GNA14: variants seen among roughly 807,000 people sequenced by gnomAD.
The protein encoded by GNA14 is guanine nucleotide-binding protein subunit alpha-14.
In GNA14, 50 loss-of-function variants were observed where a neutral mutation model predicts 42.0. The observed-to-expected ratio is 1.19, with a 90% CI of 0.95 to 1.51. The LOEUF (loss-of-function observed/expected upper bound fraction) is 1.51, where lower values mean the gene tolerates loss of function less well. GNA14 is among the 40% of genes most tolerant of loss of function. The pLI, the probability that GNA14 is intolerant of heterozygous loss-of-function variation, is 0.00. For missense variants in GNA14, 473 were observed against 446.2 expected (o/e 1.06, Z -0.54); for synonymous variants, 173 against 163.1 (o/e 1.06, Z -0.46).
chr9:77,567,646 C>G (rs531640754), intron 1 of GNA14, among the ~76,000 whole-genome samples: 2 of 152,286 alleles, frequency 1.3e-5, no homozygotes, highest in South Asian at 4.1e-4. Context: ...GTGGATGGAT[C>G]ACCTGAGGTC....
chr9:77,631,927 G>A (rs1005808524), intron 1 of GNA14, among the ~76,000 whole-genome samples: 6 of 152,146 alleles, frequency 3.9e-5, no homozygotes, highest in Admixed American at 3.9e-4. Flanking sequence ...CTGAGTTGGG[G>A]TGGAAGCTGC....
intron 2 of GNA14, among the ~76,000 whole-genome samples, chr9:77,515,465 G>T (rs1837237424): frequency 1.3e-5 from 2 of 152,208 alleles, no homozygotes; most frequent in African/African-American, 4.8e-5. Context: ...AAACCACAAG[G>T]CTTGCAAAAA....
chr9:77,539,988 T>TA (rs1413728346), intron 1 of GNA14, among the ~76,000 whole-genome samples: 1 of 152,168 alleles, frequency 6.6e-6, no homozygotes, highest in African/African-American at 2.4e-5. Flanking sequence ...CTGCTTCATT[T>TA]AGTTTTGCTC....
chr9:77,513,884 G>T (rs1269191644), intron 2 of GNA14, among the ~76,000 whole-genome samples: 1 of 151,952 alleles, frequency 6.6e-6, no homozygotes, highest in African/African-American at 2.4e-5. Flanking sequence ...TTTAAAACTT[G>T]GTTGATGAAA....
chr9:77,616,801 G>A (rs1395981126), intron 1 of GNA14, among the ~76,000 whole-genome samples: 1 of 152,170 alleles, frequency 6.6e-6, no homozygotes, highest in African/African-American at 2.4e-5. Flanking sequence ...CCAGCTCTCT[G>A]TGTTAGGGCA....
chr9:77,601,317 G>A (rs547882327), intron 1 of GNA14, among the ~76,000 whole-genome samples: 4 of 152,162 alleles, frequency 2.6e-5, no homozygotes, highest in African/African-American at 9.7e-5. Flanking sequence ...GGAGCAAAAA[G>A]ATCTAGTGTT....
chr9:77,508,035 G>C (rs1034048510), intron 2 of GNA14, among the ~76,000 whole-genome samples: 2 of 152,118 alleles, frequency 1.3e-5, no homozygotes, highest in Admixed American at 1.3e-4. Context: ...ACTCTTATTA[G>C]TGGGTTTAGT....
intron 2 of GNA14, among the ~76,000 whole-genome samples, chr9:77,480,786 G>T (rs1023922552): frequency 6.6e-6 from 1 of 152,188 alleles, no homozygotes; most frequent in African/African-American, 2.4e-5. Context: ...GAGGGTGTAT[G>T]TGTTGAGGAA....
At chr9:77,546,781 C>A (rs1374579253) in intron 1 of GNA14, among the ~76,000 whole-genome samples, 2 of 152,186 alleles carry the variant, frequency 1.3e-5, no homozygotes, top group Non-Finnish European at 2.9e-5. Flanking sequence ...CCTCCAGCCC[C>A]ACTCATCAAG....
chr9:77,578,456 G>A (rs1172916525), intron 1 of GNA14, among the ~76,000 whole-genome samples: 1 of 152,042 alleles, frequency 6.6e-6, no homozygotes, highest in Non-Finnish European at 1.5e-5. Context: ...TTTAGAGCTT[G>A]TTTGATATTG....
chr9:77,424,816 G>A (rs187737155), intron 6 of GNA14, among the ~76,000 whole-genome samples: 42 of 152,190 alleles, frequency 2.8e-4, no homozygotes, highest in African/African-American at 9.4e-4. Context: ...GGAAGAATGT[G>A]GGAACTAACA....
intron 1 of GNA14, among the ~76,000 whole-genome samples, chr9:77,548,023 T>C (rs192481439): frequency 1.1e-4 from 16 of 152,284 alleles, no homozygotes; most frequent in African/African-American, 3.4e-4. Flanking sequence ...CTTTGAGACA[T>C]TGGTGAACTT....
intron 2 of GNA14, among the ~76,000 whole-genome samples, chr9:77,469,176 G>A (rs1470847428): frequency 6.6e-6 from 1 of 151,944 alleles, no homozygotes; most frequent in Non-Finnish European, 1.5e-5. Context: ...AGTACTATCA[G>A]TTCCCTCTCT....
At chr9:77,430,591 T>C (rs1479847966) in intron 4 of GNA14, among the ~76,000 whole-genome samples, 2 of 152,176 alleles carry the variant, frequency 1.3e-5, no homozygotes, top group Admixed American at 6.5e-5. Flanking sequence ...AGAGAAGCAC[T>C]GAGCTATAAC....
At chr9:77,440,605 T>C (rs948362155) in intron 2 of GNA14, among the ~76,000 whole-genome samples, 2 of 152,274 alleles carry the variant, frequency 1.3e-5, no homozygotes, top group African/African-American at 4.8e-5. Context: ...TTTTGATATA[T>C]GTATACATTG....
intron 1 of GNA14, among the ~76,000 whole-genome samples, chr9:77,579,743 T>C (rs967176920): frequency 3.3e-5 from 5 of 152,222 alleles, no homozygotes; most frequent in Non-Finnish European, 7.3e-5. Context: ...GACTCATTTA[T>C]TTAAGTCAAT....
At chr9:77,452,633 G>A (rs1010537912) in intron 2 of GNA14, among the ~76,000 whole-genome samples, 2 of 286 alleles carry the variant, frequency 7.0e-3, no homozygotes, top group Non-Finnish European at 0.012. Context: ...ATATGTGTGC[G>A]GTGTGTGTGT....
At position 77,457,124 on chromosome 9, in the gene GNA14, G is replaced by A. The variant is rs555867938; in HGVS notation, c.310-22602C>T. 4.5e-4 allele frequency among the ~76,000 whole-genome samples: 68 copies of A among 152,324 alleles called. 2 individuals carry two copies. Among genetic ancestry groups the A allele is most frequent in the Middle Eastern group, 3.4e-3 (1 of 294 alleles). On this transcript the variant is annotated intron_variant, in intron 2 of 6. Transcript: ENST00000341700. The stretch of plus-strand genomic sequence containing the variant: ...ACAAAGTTTCAGCCAGAACGACGTA[G>A]CTAGGTTTTATCTTGAAGTCTGTTT...
intron 1 of GNA14, among the ~76,000 whole-genome samples, chr9:77,564,189 T>A (rs1000329927): frequency 6.6e-6 from 1 of 151,970 alleles, no homozygotes; most frequent in East Asian, 1.9e-4. Context: ...TCTCCACATG[T>A]GGTTCTCAAT....
Sources: gnomAD v4.1 joint callset for allele counts (sites outside exome capture counted in the v4.1 genomes callset) on GRCh38, gnomAD v4.1.1 for gene constraint, MANE v1.5 for transcripts, NCBI Gene and HGNC (gene_info 2026-07-23, HGNC 2026-07-21) for gene names.